Variants in RAMP1 observed in about 807,000 individuals in gnomAD.
RAMP1 encodes receptor activity-modifying protein 1.
Under a neutral mutation model 8.2 loss-of-function variants are expected in RAMP1, and 7 were observed. The observed-to-expected ratio is 0.85, with a 90% CI of 0.49 to 1.60. The LOEUF is 1.60. RAMP1 is among the 40% of genes most tolerant of loss of function. RAMP1 has a pLI of 0.00. For synonymous variants in RAMP1, 92 were observed against 84.7 expected, an observed-to-expected ratio of 1.09 and a Z score of -0.47; for missense variants, 192 against 202.4, an observed-to-expected ratio of 0.95 and a Z score of 0.31.
At chr2:237,902,488 G>A (rs572411346) in intron 2 of RAMP1, among the ~76,000 whole-genome samples, 3 of 152,000 alleles carry the variant, frequency 2.0e-5, no homozygotes, top group Non-Finnish European at 2.9e-5. Flanking sequence ...GGAACACAGC[G>A]AGGAGGAAAG....
chr2:237,884,023 G>A (rs985891719), intron 2 of RAMP1, among the ~76,000 whole-genome samples: 11 of 149,256 alleles, frequency 7.4e-5, no homozygotes, highest in Admixed American at 4.1e-4. Flanking sequence ...GCTGGGTTCC[G>A]ACAGCCCTTG....
chr2:237,891,767 TTA>T (rs1437492379), intron 2 of RAMP1, among the ~76,000 whole-genome samples: 1 of 152,202 alleles, frequency 6.6e-6, no homozygotes, highest in African/African-American at 2.4e-5. Context: ...TTCAGCTCCT[TTA>T]TGTGTTGCTG....
At chr2:237,875,122 G>T (rs1490363280) in intron 1 of RAMP1, among the ~76,000 whole-genome samples, 1 of 152,110 alleles carries the variant, frequency 6.6e-6, no homozygotes, top group Non-Finnish European at 1.5e-5. Flanking sequence ...GAGCCCCTGG[G>T]AGCTCCTGGG....
chr2:237,865,615 T>C lies in RAMP1; in HGVS notation c.52+5888T>C, dbSNP rs2062179680. Among the ~76,000 whole-genome samples, 1 of 152,086 alleles carries C rather than the reference T, an allele frequency of 6.6e-6. No homozygotes were observed. Among genetic ancestry groups the C allele is most frequent in the Non-Finnish European group, 1.5e-5 (1 of 68,006 alleles). On this transcript the variant is annotated intron_variant, in intron 1 of 2. Transcript: ENST00000254661. The surrounding 1 kb of genome is among the most constrained non-coding windows in gnomAD (Gnocchi z 4.2). Reference sequence around the variant, plus strand: ...GTTCCCCTTGGATTCTGAGGGGTGATGGTACGTAGACAGGAGTCTATGCAA... The same window carrying C: ...GTTCCCCTTGGATTCTGAGGGGTGACGGTACGTAGACAGGAGTCTATGCAA...
At chr2:237,894,685 T>C (rs2062520787) in intron 2 of RAMP1, among the ~76,000 whole-genome samples, 1 of 152,200 alleles carries the variant, frequency 6.6e-6, no homozygotes. Flanking sequence ...ATTGGCACCT[T>C]CATCCTCCTG....
chr2:237,867,740 G>A (rs2062203897), intron 1 of RAMP1, among the ~76,000 whole-genome samples: 2 of 152,228 alleles, frequency 1.3e-5, no homozygotes, highest in Non-Finnish European at 2.9e-5. Flanking sequence ...AGTCTCAGGT[G>A]TCTGTTGGCC....
At chr2:237,871,942 A>G (rs1249481866) in intron 1 of RAMP1, among the ~76,000 whole-genome samples, 1 of 152,208 alleles carries the variant, frequency 6.6e-6, no homozygotes, top group African/African-American at 2.4e-5. Flanking sequence ...TGAATTGTCT[A>G]TGTAAAATGG....
chr2:237,874,442 G>A (rs1434106480), intron 1 of RAMP1, among the ~76,000 whole-genome samples: 2 of 152,236 alleles, frequency 1.3e-5, no homozygotes, highest in Non-Finnish European at 2.9e-5. Context: ...CCCTCCTGGG[G>A]ACTTGGGAGC....
At chr2:237,875,518 G>A (rs1185749522) in intron 1 of RAMP1, among the ~76,000 whole-genome samples, 2 of 152,114 alleles carry the variant, frequency 1.3e-5, no homozygotes, top group Non-Finnish European at 2.9e-5. Flanking sequence ...TGAGGTGGGG[G>A]GACTCTGTCT....
At position 237,911,877 on chromosome 2, in the gene RAMP1, A is replaced by G; in HGVS notation, c.*94A>G. 6.9e-7 allele frequency: 1 copy of G among 1,458,764 alleles called. No homozygotes were observed. Among genetic ancestry groups the G allele is most frequent in the Admixed American group, 2.4e-5 (1 of 41,190 alleles). 90.4% of individuals were successfully genotyped at this position (1,458,764 alleles called of 1,614,324 possible). A position where few individuals can be genotyped will look rare whatever the true frequency, so the allele number is the denominator to read the frequency against. ...AGCTTCTGGAGCCTTGGGACAGAGC[A>G]GGCCCACAATGCCCCCCTTCTTCCA... is the stretch of plus-strand genomic sequence containing the variant. On this transcript the variant is annotated 3_prime_UTR_variant, in exon 3 of 3. Coordinates refer to ENST00000254661, the MANE Select transcript of RAMP1 (RefSeq NM_005855.4).
At chr2:237,859,561 C>T, upstream of RAMP1, 1 of 713,916 alleles carries the variant, frequency 1.4e-6, no homozygotes, top group Non-Finnish European at 1.7e-6. Context: ...CCGCCTCCCA[C>T]CGCTCCCGCG....
intron 1 of RAMP1, among the ~76,000 whole-genome samples, chr2:237,868,372 G>A (rs948197128): frequency 2.0e-5 from 3 of 151,988 alleles, no homozygotes; most frequent in African/African-American, 7.3e-5. Context: ...TAGCAGTGAT[G>A]TTGTTTTACA....
At chr2:237,872,286 C>T (rs563231536) in intron 1 of RAMP1, among the ~76,000 whole-genome samples, 5 of 152,332 alleles carry the variant, frequency 3.3e-5, no homozygotes, top group Non-Finnish European at 5.9e-5. Context: ...CCAGTCCATG[C>T]CCCTTTGCCA....
chr2:237,897,049 G>A (rs900074066), intron 2 of RAMP1, among the ~76,000 whole-genome samples: 1 of 152,242 alleles, frequency 6.6e-6, no homozygotes, highest in Admixed American at 6.5e-5. Context: ...CAGCCTCAGT[G>A]GGTCCCTCTT....
intron 2 of RAMP1, among the ~76,000 whole-genome samples, chr2:237,908,526 C>G (rs1372548732): frequency 6.6e-6 from 1 of 152,054 alleles, no homozygotes; most frequent in Non-Finnish European, 1.5e-5. Context: ...CAACCTCCAC[C>G]TCCTGGGTTC....
chr2:237,869,115 T>C (rs187533997), intron 1 of RAMP1, among the ~76,000 whole-genome samples: 1 of 152,182 alleles, frequency 6.6e-6, no homozygotes, highest in African/African-American at 2.4e-5. Flanking sequence ...GTGAAAACCC[T>C]GCACTGCGTT....
At chr2:237,871,887 G>A (rs955626953) in intron 1 of RAMP1, among the ~76,000 whole-genome samples, 11 of 152,192 alleles carry the variant, frequency 7.2e-5, no homozygotes, top group Admixed American at 7.2e-4. Context: ...AAAACCACTA[G>A]ATACGGTGAT....
At chr2:237,899,744 T>C (rs936336413) in intron 2 of RAMP1, among the ~76,000 whole-genome samples, 1 of 152,238 alleles carries the variant, frequency 6.6e-6, no homozygotes, top group East Asian at 1.9e-4. Flanking sequence ...TTGTTAACTT[T>C]TTTAAATGAA....
At chr2:237,909,117 C>A (rs913429614) in intron 2 of RAMP1, among the ~76,000 whole-genome samples, 4 of 152,146 alleles carry the variant, frequency 2.6e-5, no homozygotes, top group Admixed American at 2.6e-4. Context: ...CTTACGGATG[C>A]CCACTGTGGC....
Sources: allele counts gnomAD v4.1 joint callset (sites outside exome capture counted in the v4.1 genomes callset), GRCh38; gene constraint gnomAD v4.1.1; non-coding constraint Gnocchi (gnomAD v3.1); transcripts MANE v1.5; gene names NCBI Gene and HGNC (gene_info 2026-07-23, HGNC 2026-07-21).